RIPOR2: variants seen among roughly 807,000 people sequenced by gnomAD.
RIPOR2 encodes rho family-interacting cell polarization regulator 2.
A neutral mutation model predicts 114.5 loss-of-function variants in RIPOR2; 39 were observed. The ratio of observed to expected loss-of-function variants is 0.34; its 90% CI spans 0.26 to 0.44. The LOEUF is 0.44. Among genes scored for constraint, RIPOR2 ranks in the 20% least tolerant of loss-of-function variants. The probability of loss-of-function intolerance (pLI) is 1.00; values close to 1 mark genes in which losing one functional copy is unlikely to be tolerated. For missense variants in RIPOR2, 1,007 were observed against 1,255.1 expected, an observed-to-expected ratio of 0.80 and a Z score of 2.99; for synonymous variants, 445 against 484.4, an observed-to-expected ratio of 0.92 and a Z score of 1.07.
chr6:24,877,021 G>T, intron 1 of RIPOR2: 1 of 985,308 alleles, frequency 1.0e-6, no homozygotes, highest in Non-Finnish European at 1.2e-6. Flanking sequence ...AATAGTTACT[G>T]CCCAGATTGA....
intron 1 of RIPOR2, among the ~76,000 whole-genome samples, chr6:25,018,480 G>GT (rs1776128790): frequency 2.0e-5 from 3 of 152,052 alleles, no homozygotes; most frequent in Non-Finnish European, 4.4e-5. Flanking sequence ...AAAAGCAGAT[G>GT]TTTTTTCTAT....
intron 1 of RIPOR2, among the ~76,000 whole-genome samples, chr6:24,910,330 A>G (rs1226889938): frequency 2.6e-5 from 4 of 152,194 alleles, no homozygotes; most frequent in Non-Finnish European, 5.9e-5. Flanking sequence ...TCAAACGGGC[A>G]GCCCGGGGGC....
At chr6:25,026,756 AG>A (rs1187141946) in intron 1 of RIPOR2, among the ~76,000 whole-genome samples, 3 of 152,272 alleles carry the variant, frequency 2.0e-5, no homozygotes, top group Admixed American at 1.3e-4. Context: ...ACAACTTTAA[AG>A]GAGGTAAACA....
intron 1 of RIPOR2, among the ~76,000 whole-genome samples, chr6:25,002,414 T>C (rs2113651551): frequency 6.6e-6 from 1 of 152,368 alleles, no homozygotes; most frequent in East Asian, 1.9e-4. Flanking sequence ...TATTTCTTCA[T>C]TGTTCATCTT....
intron 1 of RIPOR2, among the ~76,000 whole-genome samples, chr6:25,003,847 T>TTACTTGTTCAAATAG (rs1273974761): frequency 1.3e-5 from 2 of 152,232 alleles, no homozygotes; most frequent in Non-Finnish European, 2.9e-5. Context: ...CTTCAGATAC[T>TTACTTGTTCAAATAG]TACTTGTTCA....
chr6:24,971,391 CA>C (rs1389052529), intron 1 of RIPOR2, among the ~76,000 whole-genome samples: 1 of 152,236 alleles, frequency 6.6e-6, no homozygotes, highest in Admixed American at 6.5e-5. Flanking sequence ...TATAGGGATA[CA>C]GGAATGATTT....
chr6:24,810,019 T>C (rs1306494574), intron 20 of RIPOR2, among the ~76,000 whole-genome samples: 1 of 152,136 alleles, frequency 6.6e-6, no homozygotes, highest in Non-Finnish European at 1.5e-5. Flanking sequence ...TGATTTTTAA[T>C]TTTTAACCTT....
chr6:24,910,937 A>G, intron 1 of RIPOR2: 1 of 985,350 alleles, frequency 1.0e-6, no homozygotes, highest in Non-Finnish European at 1.2e-6. Context: ...AGACAGCCTG[A>G]GCTGGCTCAC....
chr6:24,966,109 T>C (rs904783057), intron 1 of RIPOR2, among the ~76,000 whole-genome samples: 5 of 152,228 alleles, frequency 3.3e-5, no homozygotes, highest in Non-Finnish European at 5.9e-5. Flanking sequence ...CCTTTGGCTC[T>C]GGTACAATTT....
intron 1 of RIPOR2, among the ~76,000 whole-genome samples, chr6:25,001,693 C>T (rs1581935037): frequency 7.1e-6 from 1 of 139,900 alleles, no homozygotes. Flanking sequence ...TTTCTTTTTC[C>T]TTTCTTTCTT....
intron 20 of RIPOR2, 49 bp downstream of exon 20, chr6:24,818,493 G>T: frequency 1.6e-6 from 2 of 1,217,612 alleles, no homozygotes; most frequent in Non-Finnish European, 1.2e-6. Flanking sequence ...ACTCAGCTTA[G>T]CCTGGCTCCA....
At chr6:24,839,706 C>T in intron 13 of RIPOR2, 1 of 1,481,088 alleles carries the variant, frequency 6.8e-7, no homozygotes, top group Non-Finnish European at 8.9e-7. Context: ...TATCCCTCTG[C>T]CTAGTGCTCA....
chr6:25,004,817 G>A (rs1294715208), intron 1 of RIPOR2, among the ~76,000 whole-genome samples: 1 of 152,152 alleles, frequency 6.6e-6, no homozygotes, highest in Admixed American at 6.5e-5. Context: ...ATGCGCACGT[G>A]TGTGCATGTA....
intron 1 of RIPOR2, among the ~76,000 whole-genome samples, chr6:25,032,373 C>T (rs1777031581): frequency 6.6e-6 from 1 of 152,072 alleles, no homozygotes; most frequent in Middle Eastern, 3.2e-3. Context: ...CTCTTTCCAT[C>T]CCACCCTGTA....
chr6:24,850,242 ACACGGAC>A (rs1325107010), intron 10 of RIPOR2, among the ~76,000 whole-genome samples: 1 of 150,508 alleles, frequency 6.6e-6, no homozygotes, highest in East Asian at 2.0e-4. Flanking sequence ...GACTACAGGC[ACACGGAC>A]CACGTCTGGC....
intron 1 of RIPOR2, among the ~76,000 whole-genome samples, chr6:24,900,673 G>A (rs886793968): frequency 6.6e-6 from 1 of 152,132 alleles, no homozygotes; most frequent in Non-Finnish European, 1.5e-5. Flanking sequence ...TGGGAGGATC[G>A]TCTGAGCCCA....
At chr6:24,966,637 T>C (rs900118022) in intron 1 of RIPOR2, among the ~76,000 whole-genome samples, 5 of 152,098 alleles carry the variant, frequency 3.3e-5, no homozygotes, top group African/African-American at 1.2e-4. Context: ...TGAAGTCATG[T>C]TATGTGGGAG....
chr6:24,925,029 T>C (rs1312350697), intron 1 of RIPOR2, among the ~76,000 whole-genome samples: 1 of 152,230 alleles, frequency 6.6e-6, no homozygotes, highest in Non-Finnish European at 1.5e-5. Context: ...TTTGGGATAA[T>C]GTTTTGCTTA....
chr6:25,012,136 C>T (rs554233018), intron 1 of RIPOR2, among the ~76,000 whole-genome samples: 1 of 152,240 alleles, frequency 6.6e-6, no homozygotes, highest in East Asian at 1.9e-4. Flanking sequence ...AAAAGATACT[C>T]AGAGTCATAT....
Sources: gnomAD v4.1 joint callset for allele counts (sites outside exome capture counted in the v4.1 genomes callset) on GRCh38, gnomAD v4.1.1 for gene constraint, MANE v1.5 for transcripts, NCBI Gene and HGNC (gene_info 2026-07-23, HGNC 2026-07-21) for gene names.